The following BCL7C variants were observed in gnomAD, a reference collection of about 807,000 sequenced individuals.
The protein encoded by BCL7C is B-cell CLL/lymphoma 7 protein family member C.
In BCL7C, 8 loss-of-function variants were observed where a neutral mutation model predicts 26.2. That is an observed-to-expected ratio of 0.30 (90% CI 0.18 to 0.55). The LOEUF (loss-of-function observed/expected upper bound fraction) is 0.55, where lower values mean the gene tolerates loss of function less well. BCL7C is among the 20% of genes least tolerant of loss of function. The probability of loss-of-function intolerance (pLI) is 0.93; values close to 1 mark genes in which losing one functional copy is unlikely to be tolerated. For synonymous variants in BCL7C, 90 were observed against 116.5 expected (o/e 0.77, Z 1.47); for missense variants, 262 against 298.5 (o/e 0.88, Z 0.90).
chr16:30,851,170 A>G, intron 5 of BCL7C: 1 of 274,666 alleles, frequency 3.6e-6, no homozygotes, highest in Non-Finnish European at 7.3e-6. Flanking sequence ...ATGCTTGAAG[A>G]AGTGGTAGTC....
intron 4 of BCL7C, among the ~76,000 whole-genome samples, chr16:30,889,694 G>A (rs2055194802): frequency 6.6e-6 from 1 of 152,006 alleles, no homozygotes; most frequent in Non-Finnish European, 1.5e-5. Flanking sequence ...TTCACATTCT[G>A]GGAGGCTGAG....
At chr16:30,857,844 G>A (rs1320433890) in intron 5 of BCL7C, among the ~76,000 whole-genome samples, 4 of 151,874 alleles carry the variant, frequency 2.6e-5, no homozygotes, top group East Asian at 1.9e-4. Context: ...GGTTGTGCAC[G>A]CCTGTAATCC....
chr16:30,863,209 C>T (rs932704019), intron 5 of BCL7C, among the ~76,000 whole-genome samples: 5 of 152,164 alleles, frequency 3.3e-5, no homozygotes, highest in African/African-American at 4.8e-5. Flanking sequence ...CAGGCCTAAT[C>T]GCCACTCACC....
At position 30,893,603 on chromosome 16, in the gene BCL7C, G is replaced by A. The variant is rs1487781671; in HGVS notation, c.92+250C>T. 1.3e-5 allele frequency among the ~76,000 whole-genome samples: 2 copies of A among 152,170 alleles called. No homozygotes were observed. Among genetic ancestry groups the A allele is most frequent in the Admixed American group, 1.3e-4 (2 of 15,284 alleles). On this transcript the variant is annotated intron_variant, in intron 1 of 5. Coordinates refer to ENST00000215115, the MANE Select transcript of BCL7C (RefSeq NM_004765.4). The surrounding 1 kb of genome is among the most constrained non-coding windows in gnomAD (Gnocchi z 5.2). ...GATCCTGGGGCGCACCTGCAGGAGGGGTGTCAAAGCTTTAGGGGGCGGGGC... is the reference window on the plus strand; with the variant it reads ...GATCCTGGGGCGCACCTGCAGGAGGAGTGTCAAAGCTTTAGGGGGCGGGGC...
chr16:30,870,258 T>C (rs1412150323), intron 5 of BCL7C, among the ~76,000 whole-genome samples: 1 of 152,208 alleles, frequency 6.6e-6, no homozygotes, highest in African/African-American at 2.4e-5. Flanking sequence ...ACTCCTGGCC[T>C]GCCAAAGGAG....
Position 30,892,942 on chromosome 16 carries a change from T to A in BCL7C, c.178A>T (p.Arg60Trp). Residue 60 changes from arginine to tryptophan, a missense_variant, in exon 3 of 6, where the codon AGG (arginine) becomes TGG (tryptophan). Coordinates refer to ENST00000215115, the MANE Select transcript of BCL7C (RefSeq NM_004765.4). Reference sequence around the variant, plus strand: ...CTCTCTGCCCCGCCACCTGCCCGCCTTCGCTCCTGGGGGTTAGAGGATTAG... The same window carrying A: ...CTCTCTGCCCCGCCACCTGCCCGCCATCGCTCCTGGGGGTTAGAGGATTAG... ...PVVDPQEEER[R>W]RAGGGAERSR... The A allele has an allele frequency of 1.2e-6, 2 of 1,612,368 alleles. No homozygotes were observed. The highest frequency in any genetic ancestry group is 1.7e-6 in the Non-Finnish European group (2 of 1,179,618).
chr16:30,868,697 A>T (rs2054853666), intron 5 of BCL7C, among the ~76,000 whole-genome samples: 1 of 151,638 alleles, frequency 6.6e-6, no homozygotes, highest in Admixed American at 6.6e-5. Flanking sequence ...AGGCAGGAGA[A>T]TCTCTTGATC....
chr16:30,846,103 C>G (rs1305411241), intron 5 of BCL7C, among the ~76,000 whole-genome samples: 8 of 144,322 alleles, frequency 5.5e-5, no homozygotes, highest in Admixed American at 4.8e-4. Context: ...GAGCGAGACT[C>G]CATCTCAAAA....
At chr16:30,859,615 G>T (rs1307738647) in intron 5 of BCL7C, among the ~76,000 whole-genome samples, 1 of 150,214 alleles carries the variant, frequency 6.7e-6, no homozygotes, top group Non-Finnish European at 1.5e-5. Flanking sequence ...TAACTGATAC[G>T]ATATATTCTC....
At position 30,893,842 on chromosome 16, in the gene BCL7C, G is replaced by A. The variant is rs750888197; in HGVS notation, c.92+11C>T. On this transcript the variant is annotated intron_variant, in intron 1 of 5. Coordinates refer to ENST00000215115, the MANE Select transcript of BCL7C (RefSeq NM_004765.4). This position sits in a 1 kb window ranked among gnomAD's most constrained non-coding sequence, Gnocchi z 5.2. Reference sequence around the variant, plus strand: ...GCTGTGTCCCGTCCCTGGCCCCCGAGCAGCGCTCACCATCTCCGGACCTTC... The same window carrying A: ...GCTGTGTCCCGTCCCTGGCCCCCGAACAGCGCTCACCATCTCCGGACCTTC... 10 of 1,599,670 alleles carry A rather than the reference G, an allele frequency of 6.3e-6. No individual in the cohort carries two copies. The Admixed American group carries it at 8.3e-5, about 13-fold the overall frequency.
intron 5 of BCL7C, among the ~76,000 whole-genome samples, chr16:30,873,888 C>G (rs1039116482): frequency 6.7e-6 from 1 of 148,404 alleles, no homozygotes; most frequent in Non-Finnish European, 1.5e-5. Flanking sequence ...TACACACACA[C>G]ACATATAGAA....
chr16:30,866,047 TAAC>T (rs1394843534), intron 5 of BCL7C, among the ~76,000 whole-genome samples: 2 of 151,988 alleles, frequency 1.3e-5, no homozygotes, highest in Non-Finnish European at 2.9e-5. Context: ...ATGGGTTTTA[TAAC>T]AACAACAAAT....
intron 5 of BCL7C, among the ~76,000 whole-genome samples, chr16:30,854,715 T>TC (rs2054704642): frequency 6.6e-6 from 1 of 151,486 alleles, no homozygotes; most frequent in African/African-American, 2.4e-5. Flanking sequence ...TTCTTTTTTT[T>TC]TTTTTTTCTG....
At chr16:30,835,089 G>A (rs868288724) in exon 6 of BCL7C, 1 of 1,545,558 alleles carries the variant, frequency 6.5e-7, no homozygotes, top group Non-Finnish European at 8.8e-7. Context: ...GCCTCCTGAG[G>A]GGCTCTGTCT....
At chr16:30,880,541 TAC>T (rs934993008) in intron 5 of BCL7C, among the ~76,000 whole-genome samples, 2 of 34,646 alleles carry the variant, frequency 5.8e-5, no homozygotes, top group Non-Finnish European at 1.5e-4. Context: ...CTACTAAAAA[TAC>T]AAAAAAAAAA....
At chr16:30,833,754 C>T (rs904057127) in exon 6 of BCL7C, 2 of 152,172 alleles carry the variant, frequency 1.3e-5, no homozygotes, top group Non-Finnish European at 2.9e-5. Flanking sequence ...ATCATTGGTA[C>T]GAATGTTGAC....
At chr16:30,838,168 G>A (rs371758770) in intron 5 of BCL7C, among the ~76,000 whole-genome samples, 137 of 152,332 alleles carry the variant, frequency 9.0e-4, no homozygotes, top group African/African-American at 3.2e-3. Flanking sequence ...GATGACAGAG[G>A]TTTGAATCCT....
intron 5 of BCL7C, among the ~76,000 whole-genome samples, chr16:30,847,033 G>A (rs925310636): frequency 9.2e-5 from 14 of 152,312 alleles, no homozygotes; most frequent in Middle Eastern, 3.4e-3. Context: ...AGAGAAAATG[G>A]CAAGCTCAGG....
chr16:30,886,678 G>C (rs1024953628), downstream of BCL7C, among the ~76,000 whole-genome samples: 3 of 152,026 alleles, frequency 2.0e-5, no homozygotes, highest in Admixed American at 2.0e-4. Context: ...GGGGTTGCTG[G>C]AGCTCAAAAA....
Sources: gnomAD v4.1 joint callset for allele counts (sites outside exome capture counted in the v4.1 genomes callset) on GRCh38, gnomAD v4.1.1 for gene constraint, Gnocchi (gnomAD v3.1) non-coding constraint, MANE v1.5 for transcripts, NCBI Gene and HGNC (gene_info 2026-07-23, HGNC 2026-07-21) for gene names.